KCNN2: variants seen among roughly 807,000 people sequenced by gnomAD.
KCNN2 encodes potassium calcium-activated channel subfamily N member 2, also known as small conductance calcium-activated potassium channel protein 2.
In KCNN2, 24 loss-of-function variants were observed where a neutral mutation model predicts 55.5. The observed-to-expected ratio is 0.43, with a 90% CI of 0.31 to 0.61. KCNN2 has a LOEUF of 0.61. Among genes scored for constraint, KCNN2 ranks in the 20% least tolerant of loss-of-function variants. KCNN2 has a pLI of 0.08. For synonymous variants in KCNN2, 431 were observed against 336.1 expected, an observed-to-expected ratio of 1.28 and a Z score of -3.09; for missense variants, 754 against 853.6, an observed-to-expected ratio of 0.88 and a Z score of 1.45.
At chr5:114,073,402 T>C (rs1043907178) in intron 1 of KCNN2, among the ~76,000 whole-genome samples, 2 of 152,248 alleles carry the variant, frequency 1.3e-5, no homozygotes, top group Admixed American at 6.5e-5. Context: ...TTCTAGACTT[T>C]ATCCCAATGT....
At chr5:114,373,467 T>C (rs965352329) in intron 2 of KCNN2, among the ~76,000 whole-genome samples, 3 of 150,534 alleles carry the variant, frequency 2.0e-5, no homozygotes, top group African/African-American at 7.3e-5. Context: ...GACTCTCCTT[T>C]GTGTTGACTG....
chr5:114,439,891 A>G (rs781033924), intron 3 of KCNN2, among the ~76,000 whole-genome samples: 3 of 152,206 alleles, frequency 2.0e-5, no homozygotes, highest in East Asian at 1.9e-4. Flanking sequence ...GCCTACTCAC[A>G]TATGCTTTTG....
At chr5:114,065,154 G>A (rs981287857) in intron 1 of KCNN2, among the ~76,000 whole-genome samples, 9 of 152,176 alleles carry the variant, frequency 5.9e-5, no homozygotes, top group African/African-American at 1.9e-4. Flanking sequence ...CATAGTGTAT[G>A]CACTTGATAT....
At chr5:114,272,339 CATAT>C (rs1349919360) in intron 2 of KCNN2, among the ~76,000 whole-genome samples, 2 of 100,626 alleles carry the variant, frequency 2.0e-5, no homozygotes, top group East Asian at 3.3e-4. Flanking sequence ...CATATACACA[CATAT>C]ATGTATGTAC....
intron 2 of KCNN2, among the ~76,000 whole-genome samples, chr5:114,338,439 G>A (rs1198723229): frequency 1.3e-5 from 2 of 152,184 alleles, no homozygotes; most frequent in Non-Finnish European, 2.9e-5. Flanking sequence ...CCTTTAGTAA[G>A]TACCAAATAT....
At position 114,057,778 on chromosome 5, in the gene KCNN2, A is replaced by C. The variant is rs80094706; in HGVS notation, c.-271+1278A>C. ...TGAAGAACTGAGAAGAAAGACAAAT[A>C]GCCAATGAATGTATGAAGTGATGGT... On this transcript the variant is annotated intron_variant, in intron 1 of 10. Transcript: ENST00000512097. 2.8e-3 allele frequency among the ~76,000 whole-genome samples: 427 copies of C among 152,304 alleles called. 15 individuals carry two copies. In the East Asian group the frequency reaches 0.065, roughly 23 times the overall value.
intron 2 of KCNN2, among the ~76,000 whole-genome samples, chr5:114,236,079 T>C (rs1392886924): frequency 6.6e-6 from 1 of 152,230 alleles, no homozygotes; most frequent in Non-Finnish European, 1.5e-5. Context: ...TGTATATGTA[T>C]ATTTTAACAG....
intron 1 of KCNN2, among the ~76,000 whole-genome samples, chr5:114,186,786 A>G (rs1753342799): frequency 6.6e-6 from 1 of 152,182 alleles, no homozygotes; most frequent in African/African-American, 2.4e-5. Context: ...TGATCATGAC[A>G]CCAGGCTCAG....
At chr5:114,476,969 A>G (rs1305071055) in intron 5 of KCNN2, among the ~76,000 whole-genome samples, 1 of 152,234 alleles carries the variant, frequency 6.6e-6, no homozygotes, top group Non-Finnish European at 1.5e-5. Flanking sequence ...AAATGGACTC[A>G]TATAAATGAG....
intron 1 of KCNN2, among the ~76,000 whole-genome samples, chr5:114,219,823 T>A (rs1754095434): frequency 6.6e-6 from 1 of 152,104 alleles, no homozygotes; most frequent in African/African-American, 2.4e-5. Context: ...AATCTAAAAT[T>A]AATCTTTAAA....
chr5:114,397,492 T>G (rs1397387624), intron 2 of KCNN2, among the ~76,000 whole-genome samples: 1 of 152,154 alleles, frequency 6.6e-6, no homozygotes, highest in Non-Finnish European at 1.5e-5. Flanking sequence ...GTTCAAGTGA[T>G]TCTTCTGTCT....
intron 3 of KCNN2, among the ~76,000 whole-genome samples, chr5:114,442,893 T>C (rs1243835051): frequency 1.3e-5 from 2 of 152,090 alleles, no homozygotes; most frequent in African/African-American, 2.4e-5. Context: ...TTTAAGAACA[T>C]AGTGCATGAG....
intron 2 of KCNN2, among the ~76,000 whole-genome samples, chr5:114,225,543 A>G (rs1233663280): frequency 6.6e-6 from 1 of 152,196 alleles, no homozygotes; most frequent in Non-Finnish European, 1.5e-5. Context: ...GTGTTCAATG[A>G]TATATCTCTA....
chr5:114,170,906 A>G (rs1353708815), intron 1 of KCNN2, among the ~76,000 whole-genome samples: 6 of 151,978 alleles, frequency 3.9e-5, no homozygotes, highest in Non-Finnish European at 8.8e-5. Context: ...ACATTTCTCC[A>G]TTATCTCAAG....
chr5:114,080,753 T>C (rs1479091485), intron 1 of KCNN2, among the ~76,000 whole-genome samples: 2 of 152,048 alleles, frequency 1.3e-5, no homozygotes, highest in Non-Finnish European at 2.9e-5. Flanking sequence ...ACTAAAAGCT[T>C]TTCCCTTATG....
intron 2 of KCNN2, among the ~76,000 whole-genome samples, chr5:114,249,011 A>G (rs1754805137): frequency 6.6e-6 from 1 of 152,204 alleles, no homozygotes; most frequent in Admixed American, 6.5e-5. Flanking sequence ...ACCCTAGTAC[A>G]GGGTGTTACC....
intron 2 of KCNN2, among the ~76,000 whole-genome samples, chr5:114,250,350 G>A (rs1467289469): frequency 1.3e-5 from 2 of 152,174 alleles, no homozygotes; most frequent in African/African-American, 4.8e-5. Flanking sequence ...ATGGGAATCT[G>A]AGTGAGTTTC....
At chr5:114,439,109 C>T (rs17457540) in intron 3 of KCNN2, among the ~76,000 whole-genome samples, 4,827 of 152,170 alleles carry the variant, frequency 0.032, 84 homozygotes, top group Non-Finnish European at 0.037. Context: ...ATTCTCATAA[C>T]CTTTTGCGTA....
intron 1 of KCNN2, among the ~76,000 whole-genome samples, chr5:114,173,001 CTTTGCCCAGACCAATGTCCTG>C (rs1029058790): frequency 5.9e-4 from 89 of 152,062 alleles, no homozygotes; most frequent in Non-Finnish European, 1.5e-4. Context: ...CTCCAGAAAT[CTTTGCCCAGACCAATGTCCTG>C]GAGATTTTCC....
Sources: allele counts gnomAD v4.1 joint callset (sites outside exome capture counted in the v4.1 genomes callset), GRCh38; gene constraint gnomAD v4.1.1; transcripts MANE v1.5; gene names NCBI Gene and HGNC (gene_info 2026-07-23, HGNC 2026-07-21).